The following METAP1D variants were observed in gnomAD, a reference collection of about 807,000 sequenced individuals.
METAP1D encodes methionine aminopeptidase 1D, mitochondrial.
METAP1D carries 31 observed loss-of-function variants against 40.5 expected under a neutral mutation model. The observed-to-expected ratio is 0.77, with a 90% CI of 0.58 to 1.03. METAP1D has a LOEUF of 1.03. Among genes scored for constraint, METAP1D ranks in the 50% least tolerant of loss-of-function variants. The pLI is 0.00. For synonymous variants in METAP1D, 151 were observed against 146.4 expected, an observed-to-expected ratio of 1.03 and a Z score of -0.22; for missense variants, 411 against 420.7, an observed-to-expected ratio of 0.98 and a Z score of 0.20.
rs1245321576 is a variant in METAP1D, at chr2:172,017,273, C to CACACAT, written c.40+17265_40+17266insCACATA. Among the ~76,000 whole-genome samples the CACACAT allele has an allele frequency of 3.5e-3, 515 of 146,428 alleles. 9 individuals are homozygous for CACACAT. The highest frequency in any genetic ancestry group is 8.5e-3 in the African/African-American group (335 of 39,614). On this transcript the variant is annotated intron_variant, in intron 1 of 9. Coordinates refer to ENST00000315796, the MANE Select transcript of METAP1D (RefSeq NM_199227.3). ...ACACACACACACACACACACACACA[C>CACACAT]ATTTTATATATATACACATATATAA... is the stretch of plus-strand genomic sequence containing the variant.
chr2:172,051,159 A>T (rs1312304594), intron 1 of METAP1D, among the ~76,000 whole-genome samples: 1 of 152,198 alleles, frequency 6.6e-6, no homozygotes, highest in South Asian at 2.1e-4. Context: ...TTTCTATGTA[A>T]CTTCTACTTA....
chr2:172,048,178 A>T (rs1689803835), intron 1 of METAP1D, among the ~76,000 whole-genome samples: 1 of 152,176 alleles, frequency 6.6e-6, no homozygotes. Flanking sequence ...GGATGGTGTC[A>T]CTTTTAAGTA....
At position 172,043,041 on chromosome 2, in the gene METAP1D, AC is replaced by A. The variant is rs1325108263; in HGVS notation, c.41-18456del. ...TACACATATATGTGTATATGTGTAC[AC>A]GTGTACACATATATGTGTATATATA... is the stretch of plus-strand genomic sequence containing the variant. On this transcript the variant is annotated intron_variant, in intron 1 of 9. Transcript: ENST00000315796. 1.7e-5 allele frequency among the ~76,000 whole-genome samples: 2 copies of A among 116,070 alleles called. 1 individual carries two copies. The highest frequency in any genetic ancestry group is 3.9e-5 in the Non-Finnish European group (2 of 50,734). The allele number at this position is 116,070 out of a possible 152,430, so 76.1% of individuals were successfully genotyped here.
At chr2:172,075,516 A>T (rs146206348) in intron 6 of METAP1D, among the ~76,000 whole-genome samples, 71 of 152,324 alleles carry the variant, frequency 4.7e-4, no homozygotes, top group African/African-American at 1.7e-3. Context: ...CCCATGCCAC[A>T]GTTAGGGTTA....
Position 172,043,391 on chromosome 2 carries a change from G to T in METAP1D, c.41-18107G>T, listed in dbSNP as rs867012407. Among the ~76,000 whole-genome samples, 55 of 132,900 alleles carry T rather than the reference G, an allele frequency of 4.1e-4. 5 individuals carry two copies. The highest frequency in any genetic ancestry group is 1.3e-3 in the African/African-American group (50 of 39,306). 87.2% of individuals were successfully genotyped at this position (132,900 alleles called of 152,430 possible). ...TTTGGGGAGAGGAAAGGTAAGAGAG[G>T]GGTGAGTTGGCAGTGATGGAAAGCA... On this transcript the variant is annotated intron_variant, in intron 1 of 9. Transcript: ENST00000315796.
intron 1 of METAP1D, among the ~76,000 whole-genome samples, chr2:172,026,099 CA>C (rs1001983163): frequency 6.2e-4 from 94 of 152,110 alleles, no homozygotes; most frequent in African/African-American, 1.9e-3. Flanking sequence ...AATTAGGAAC[CA>C]AACATATTCC....
chr2:172,032,982 C>G (rs1417624203), intron 1 of METAP1D, among the ~76,000 whole-genome samples: 1 of 151,900 alleles, frequency 6.6e-6, no homozygotes, highest in Non-Finnish European at 1.5e-5. Context: ...TGGCGTGAAC[C>G]CGGGAGGTGG....
chr2:172,082,425 C>A lies in METAP1D; in HGVS notation c.*2019C>A, dbSNP rs1690741094. 6.6e-6 allele frequency: 1 copy of A among 152,148 alleles called. No individual in the cohort carries two copies. Among genetic ancestry groups the A allele is most frequent in the Admixed American group, 6.5e-5 (1 of 15,270 alleles). 9.4% of individuals were successfully genotyped at this position (152,148 alleles called of 1,614,324 possible). On this transcript the variant is annotated 3_prime_UTR_variant, in exon 10 of 10. Transcript: ENST00000315796. ...TAATTCCATTTATTAAAGGGACTAA[C>A]CTAAAGTGTGTGGGTGTATATATAT...
At position 172,041,582 on chromosome 2, in the gene METAP1D, T is replaced by G. The variant is rs1227436997; in HGVS notation, c.41-19916T>G. Among the ~76,000 whole-genome samples, 5 of 126,598 alleles carry G rather than the reference T, an allele frequency of 3.9e-5. 1 individual carries two copies. The highest frequency in any genetic ancestry group is 1.3e-4 in the African/African-American group (5 of 38,194). The allele number at this position is 126,598 out of a possible 152,430, so 83.1% of individuals were successfully genotyped here. A position where few individuals can be genotyped will look rare whatever the true frequency, so the allele number is the denominator to read the frequency against. ...ATCATGTAGATCTATATTGTTTTGT[T>G]AGAGACAGGACCCCTAACACTGAAG... On this transcript the variant is annotated intron_variant, in intron 1 of 9. Coordinates refer to ENST00000315796, the MANE Select transcript of METAP1D (RefSeq NM_199227.3).
At chr2:172,004,369 G>T (rs1688532679) in intron 1 of METAP1D, among the ~76,000 whole-genome samples, 1 of 151,658 alleles carries the variant, frequency 6.6e-6, no homozygotes, top group Non-Finnish European at 1.5e-5. Context: ...TGTTGCCCAG[G>T]CTGGAATGCA....
At chr2:172,079,401 T>A (rs544020646) in intron 8 of METAP1D, 139 bp downstream of exon 8, 2 of 768,854 alleles carry the variant, frequency 2.6e-6, no homozygotes, top group South Asian at 3.2e-5. Flanking sequence ...GGAAATCTGA[T>A]TAAATAATAT....
At chr2:172,048,118 T>C (rs1689802356) in intron 1 of METAP1D, among the ~76,000 whole-genome samples, 1 of 152,194 alleles carries the variant, frequency 6.6e-6, no homozygotes, top group African/African-American at 2.4e-5. Context: ...GCAGTCTCAT[T>C]TGGGGTTCAG....
intron 1 of METAP1D, among the ~76,000 whole-genome samples, chr2:172,022,990 C>T (rs1328399443): frequency 6.6e-6 from 1 of 152,084 alleles, no homozygotes; most frequent in Admixed American, 6.6e-5. Context: ...AGTTCGAGAT[C>T]AGCCTGACCA....
At chr2:172,036,271 C>A (rs762001533) in intron 1 of METAP1D, among the ~76,000 whole-genome samples, 11 of 146,786 alleles carry the variant, frequency 7.5e-5, no homozygotes, top group Admixed American at 1.4e-4. Context: ...GAGCCGAGAT[C>A]GCGCCATTGC....
At chr2:172,041,887 G>A (rs1689542308) in intron 1 of METAP1D, among the ~76,000 whole-genome samples, 2 of 113,252 alleles carry the variant, frequency 1.8e-5, no homozygotes, top group Admixed American at 9.0e-5. Flanking sequence ...TGCAACCTCC[G>A]CCTCCCACAT....
chr2:172,041,807 T>TAG lies in METAP1D; in HGVS notation c.41-19691_41-19690insAG, dbSNP rs1559006471. Among the ~76,000 whole-genome samples the TAG allele has an allele frequency of 2.5e-4, 22 of 88,248 alleles. 3 individuals are homozygous for TAG. The highest frequency in any genetic ancestry group is 7.6e-4 in the African/African-American group (21 of 27,578). 57.9% of individuals were successfully genotyped at this position (88,248 alleles called of 152,430 possible). A position where few individuals can be genotyped will look rare whatever the true frequency, so the allele number is the denominator to read the frequency against. On this transcript the variant is annotated intron_variant, in intron 1 of 9. Transcript: ENST00000315796. Reference sequence around the variant, plus strand: ...GAAATGACCTAATATATATATAGTTTTTTTTTTTTTTAAGATGGAGTCTTA... The same window carrying TAG: ...GAAATGACCTAATATATATATAGTTTAGTTTTTTTTTTTAAGATGGAGTCTTA...
At chr2:172,045,765 A>G (rs1212643897) in intron 1 of METAP1D, among the ~76,000 whole-genome samples, 1 of 65,232 alleles carries the variant, frequency 1.5e-5, no homozygotes, top group African/African-American at 4.8e-5. Flanking sequence ...ATATGTGTGT[A>G]TATATGTATA....
In METAP1D at chr2:172,054,104, G is replaced by A. The variant is rs544188998; in HGVS notation, c.41-7394G>A. On this transcript the variant is annotated intron_variant, in intron 1 of 9. Coordinates refer to ENST00000315796, the MANE Select transcript of METAP1D (RefSeq NM_199227.3). The stretch of plus-strand genomic sequence containing the variant: ...CACATGAAAACCCAGGGCTCAGTGG[G>A]TGAAATGGAAGCATTTCATTATGTG... Among the ~76,000 whole-genome samples the A allele has an allele frequency of 2.0e-5, 3 of 152,292 alleles. No homozygotes were observed. In the South Asian group the frequency reaches 6.2e-4, roughly 32 times the overall value.
intron 1 of METAP1D, among the ~76,000 whole-genome samples, chr2:172,007,952 C>T (rs1199897776): frequency 6.6e-6 from 1 of 151,854 alleles, no homozygotes; most frequent in Admixed American, 6.6e-5. Context: ...TCCCAAAGTG[C>T]TGGGATTACA....
Sources: allele counts gnomAD v4.1 joint callset (sites outside exome capture counted in the v4.1 genomes callset), GRCh38; gene constraint gnomAD v4.1.1; transcripts MANE v1.5; gene names NCBI Gene and HGNC (gene_info 2026-07-23, HGNC 2026-07-21).